RNF130: variants seen among roughly 807,000 people sequenced by gnomAD.
RNF130 encodes ring finger protein 130.
Under a neutral mutation model 44.6 loss-of-function variants are expected in RNF130, and 21 were observed. The observed-to-expected ratio is 0.47, with a 90% CI of 0.33 to 0.68. The LOEUF is 0.68. Ranked by LOEUF, RNF130 falls within the 30% of genes least tolerant of loss-of-function variation. The pLI is 0.02. For synonymous variants in RNF130, 214 were observed against 210.4 expected (o/e 1.02, Z -0.15); for missense variants, 479 against 560.6 (o/e 0.85, Z 1.47).
At chr5:180,040,796 T>C (rs1318237433) in intron 1 of RNF130, 149 bp from the exon 2 acceptor site, 2 of 652,880 alleles carry the variant, frequency 3.1e-6, no homozygotes, top group Non-Finnish European at 5.2e-6. Flanking sequence ...CCACAAACAA[T>C]ACAATGAAGC....
At position 180,035,346 on chromosome 5, in the gene RNF130, T is replaced by C. The variant is rs575462962; in HGVS notation, c.442+5107A>G. Among the ~76,000 whole-genome samples, 14 of 152,362 alleles carry C rather than the reference T, an allele frequency of 9.2e-5. No individual in the cohort carries two copies. In the East Asian group the frequency reaches 2.3e-3, roughly 25 times the overall value. ...ACTTGGGAATTTCCCAGCTTTTCTT[T>C]AGTTGTGGTTGAAGAATACACTTTG... On this transcript the variant is annotated intron_variant, in intron 2 of 8. Coordinates refer to ENST00000521389, the MANE Select transcript of RNF130 (RefSeq NM_018434.6).
At chr5:179,944,336 T>C (rs906571043) in intron 7 of RNF130, among the ~76,000 whole-genome samples, 1 of 152,316 alleles carries the variant, frequency 6.6e-6, no homozygotes, top group East Asian at 1.9e-4. Context: ...AACTAAAGGA[T>C]CTGACAAGTT....
intron 1 of RNF130, among the ~76,000 whole-genome samples, chr5:180,055,659 G>T (rs561661620): frequency 2.0e-5 from 3 of 152,122 alleles, no homozygotes; most frequent in Non-Finnish European, 2.9e-5. Context: ...ATTTACAGAC[G>T]AAATGATCCA....
At chr5:179,972,851 T>G (rs947655717) in intron 5 of RNF130, among the ~76,000 whole-genome samples, 5 of 152,192 alleles carry the variant, frequency 3.3e-5, no homozygotes, top group African/African-American at 9.7e-5. Context: ...TAGTTATAAA[T>G]ATGTTTGGGT....
intron 2 of RNF130, among the ~76,000 whole-genome samples, chr5:180,034,762 G>A (rs961554302): frequency 6.6e-6 from 1 of 152,226 alleles, no homozygotes; most frequent in Non-Finnish European, 1.5e-5. Context: ...CACTGTGAGT[G>A]TGACTATGTG....
At chr5:180,009,419 T>A (rs1377113407) in intron 3 of RNF130, among the ~76,000 whole-genome samples, 1 of 152,118 alleles carries the variant, frequency 6.6e-6, no homozygotes, top group Admixed American at 6.5e-5. Flanking sequence ...ACAATCTAGG[T>A]AGAAAATGGG....
At chr5:179,933,398 T>TTGTGTGTGTGTATGTGTGTG (rs1554100041) in intron 7 of RNF130, among the ~76,000 whole-genome samples, 25 of 143,400 alleles carry the variant, frequency 1.7e-4, no homozygotes, top group African/African-American at 6.5e-4. Context: ...ATAACCCTAT[T>TTGTGTGTGTGTATGTGTGTG]TGTGTGTGTG....
At chr5:180,068,076 A>G (rs867598343) in intron 1 of RNF130, among the ~76,000 whole-genome samples, 2 of 152,228 alleles carry the variant, frequency 1.3e-5, no homozygotes, top group Non-Finnish European at 2.9e-5. Context: ...GAAAATTTCT[A>G]TGCAAAGCAA....
At chr5:179,940,280 G>T (rs1466299436) in intron 7 of RNF130, 1 of 151,886 alleles carries the variant, frequency 6.6e-6, no homozygotes, top group Non-Finnish European at 1.5e-5. Flanking sequence ...CCAGGCTGGG[G>T]TGCGATCTCG....
chr5:179,933,456 C>T lies in RNF130; in HGVS notation c.1151-13030G>A, dbSNP rs934650776. On this transcript the variant is annotated intron_variant, in intron 7 of 7. Coordinates refer to the RNF130 transcript ENST00000522208. ...GTAAAAAGCATATAAAATTTGCCATCTCAACCATTTCTATTTATTTATTGT... is the reference window on the plus strand; with the variant it reads ...GTAAAAAGCATATAAAATTTGCCATTTCAACCATTTCTATTTATTTATTGT... Among the ~76,000 whole-genome samples the T allele has an allele frequency of 7.3e-4, 84 of 114,424 alleles. 2 individuals are homozygous for T. The Admixed American group carries it at 8.5e-3, about 12-fold the overall frequency. 75.1% of individuals were successfully genotyped at this position (114,424 alleles called of 152,430 possible).
intron 8 of RNF130, among the ~76,000 whole-genome samples, chr5:179,960,517 T>C (rs1395359652): frequency 6.6e-6 from 1 of 152,246 alleles, no homozygotes; most frequent in African/African-American, 2.4e-5. Context: ...GCACCCCTTG[T>C]GGGGATCCTC....
intron 1 of RNF130, among the ~76,000 whole-genome samples, chr5:180,064,641 C>G (rs1004140424): frequency 7.2e-5 from 11 of 152,142 alleles, no homozygotes; most frequent in Admixed American, 7.2e-4. Context: ...GTTTTTAAAC[C>G]TTTCTAGCTT....
chr5:179,964,511 C>G (rs576703337), intron 7 of RNF130: 1 of 152,260 alleles, frequency 6.6e-6, no homozygotes, highest in South Asian at 2.1e-4. Context: ...ATAAAATTAC[C>G]TATATATGTG....
At position 179,920,276 on chromosome 5, in the gene RNF130, C is replaced by G. The variant is rs556887232; in HGVS notation, c.*41G>C. On this transcript the variant is annotated 3_prime_UTR_variant, in exon 8 of 8. Coordinates refer to the RNF130 transcript ENST00000522208. The stretch of plus-strand genomic sequence containing the variant: ...TAAGAAAGGTGATCAGAAATCAAAT[C>G]ACAAAAGCAGTGACCCCAACAGCCA... 622 of 672,032 alleles carry G rather than the reference C, an allele frequency of 9.3e-4. 10 individuals carry two copies. The South Asian group carries it at 9.3e-3, about 10-fold the overall frequency. 41.6% of individuals were successfully genotyped at this position (672,032 alleles called of 1,614,324 possible). A position where few individuals can be genotyped will look rare whatever the true frequency, so the allele number is the denominator to read the frequency against.
intron 5 of RNF130, among the ~76,000 whole-genome samples, chr5:179,970,901 A>C (rs1301894882): frequency 6.6e-6 from 1 of 152,250 alleles, no homozygotes; most frequent in Non-Finnish European, 1.5e-5. Flanking sequence ...CTAAGTGAAG[A>C]GTTCTCTGTA....
chr5:180,059,917 GT>G (rs1764934231), intron 1 of RNF130, among the ~76,000 whole-genome samples: 2 of 152,098 alleles, frequency 1.3e-5, no homozygotes, highest in South Asian at 4.1e-4. Context: ...GGGGAACTAG[GT>G]TGCAGATGAA....
chr5:179,971,318 G>C (rs190328), intron 5 of RNF130, among the ~76,000 whole-genome samples: 81,497 of 152,062 alleles, frequency 0.54, 23,563 homozygotes, highest in Middle Eastern at 0.74. Context: ...CAGACGTTCA[G>C]GGCAGCTTTG....
At chr5:179,966,153 G>A (rs1295566203) in intron 7 of RNF130, among the ~76,000 whole-genome samples, 2 of 152,142 alleles carry the variant, frequency 1.3e-5, no homozygotes, top group Non-Finnish European at 2.9e-5. Flanking sequence ...CTGAGGCACC[G>A]CCATCAATAC....
chr5:180,070,527 T>C (rs1765227422), intron 1 of RNF130, among the ~76,000 whole-genome samples: 2 of 152,208 alleles, frequency 1.3e-5, no homozygotes, highest in Non-Finnish European at 1.5e-5. Flanking sequence ...TTGCCTACTT[T>C]AGGTCATCCT....
Sources: allele counts gnomAD v4.1 joint callset (sites outside exome capture counted in the v4.1 genomes callset), GRCh38; gene constraint gnomAD v4.1.1; transcripts MANE v1.5; gene names NCBI Gene and HGNC (gene_info 2026-07-23, HGNC 2026-07-21).